Variants in CHP1 observed in about 807,000 individuals in gnomAD.
CHP1 encodes the protein calcineurin like EF-hand protein 1, also known as calcineurin B homologous protein 1.
In CHP1, 11 loss-of-function variants were observed where a neutral mutation model predicts 27.4. The observed-to-expected ratio is 0.40, with a 90% CI of 0.25 to 0.67. The LOEUF is 0.67. Ranked by LOEUF, CHP1 falls within the 30% of genes least tolerant of loss-of-function variation. CHP1 has a pLI of 0.38. For missense variants in CHP1, 169 were observed against 251.3 expected, an observed-to-expected ratio of 0.67 and a Z score of 2.22; for synonymous variants, 89 against 87.4, an observed-to-expected ratio of 1.02 and a Z score of -0.10.
intron 4 of CHP1, among the ~76,000 whole-genome samples, chr15:41,263,753 T>C (rs1032858939): frequency 6.6e-6 from 1 of 152,124 alleles, no homozygotes; most frequent in Non-Finnish European, 1.5e-5. Context: ...CAGGCACCTG[T>C]GCTCCCAGGT....
chr15:41,277,284 G>A (rs1012422484), intron 5 of CHP1, among the ~76,000 whole-genome samples: 5 of 152,258 alleles, frequency 3.3e-5, no homozygotes, highest in Non-Finnish European at 5.9e-5. Context: ...CTACAAACCC[G>A]TGCAGCAAGT....
chr15:41,251,979 C>T (rs191365139), intron 2 of CHP1, among the ~76,000 whole-genome samples: 16 of 151,934 alleles, frequency 1.1e-4, no homozygotes, highest in South Asian at 6.2e-4. Context: ...TGACCTCAGG[C>T]GATCTGCCCA....
At chr15:41,276,396 T>C (rs991093136) in intron 5 of CHP1, among the ~76,000 whole-genome samples, 4 of 152,186 alleles carry the variant, frequency 2.6e-5, no homozygotes, top group Admixed American at 2.0e-4. Context: ...ACTGCAATAA[T>C]AATATAAGGA....
chr15:41,278,619 T>G (rs1389767053), intron 5 of CHP1, 148 bp from the exon 6 acceptor site: 9 of 872,030 alleles, frequency 1.0e-5, no homozygotes, highest in Non-Finnish European at 1.4e-5. Flanking sequence ...ATGCAGTCGG[T>G]CATTAACCAA....
intron 5 of CHP1, among the ~76,000 whole-genome samples, chr15:41,276,356 G>T (rs1463609624): frequency 1.3e-5 from 2 of 152,164 alleles, no homozygotes; most frequent in Non-Finnish European, 2.9e-5. Flanking sequence ...GAAAAGCTCA[G>T]TTCTTGCCAT....
At chr15:41,268,515 CAT>C (rs1443071931) in intron 4 of CHP1, among the ~76,000 whole-genome samples, 1 of 151,518 alleles carries the variant, frequency 6.6e-6, no homozygotes, top group East Asian at 1.9e-4. Flanking sequence ...CGTGGTGGCA[CAT>C]GCCTATAATC....
At chr15:41,234,463 A>G (rs1199103520) in intron 1 of CHP1, among the ~76,000 whole-genome samples, 3 of 152,264 alleles carry the variant, frequency 2.0e-5, no homozygotes, top group Non-Finnish European at 4.4e-5. Context: ...ACAAAATGTA[A>G]CATAATTGAG....
intron 5 of CHP1, among the ~76,000 whole-genome samples, chr15:41,276,467 C>T (rs1294275872): frequency 1.3e-5 from 2 of 152,122 alleles, no homozygotes; most frequent in Non-Finnish European, 2.9e-5. Flanking sequence ...TCCATATTGC[C>T]TGACAGTCAA....
chr15:41,264,196 C>A (rs968752657), intron 4 of CHP1: 1 of 1,286,168 alleles, frequency 7.8e-7, no homozygotes, highest in African/African-American at 1.5e-5. Flanking sequence ...AGAGAGAGAT[C>A]GAGACTGAAA....
chr15:41,255,310 T>C (rs1250876299), intron 2 of CHP1, among the ~76,000 whole-genome samples: 1 of 152,214 alleles, frequency 6.6e-6, no homozygotes, highest in Non-Finnish European at 1.5e-5. Flanking sequence ...GCAGCACAGA[T>C]AAGTTGTAGA....
At chr15:41,274,798 T>G (rs1022276679) in intron 5 of CHP1, among the ~76,000 whole-genome samples, 3 of 149,850 alleles carry the variant, frequency 2.0e-5, no homozygotes, top group African/African-American at 7.3e-5. Context: ...TTGTTTTTTT[T>G]TTTTTTTTTT....
intron 5 of CHP1, chr15:41,272,041 A>G (rs2047492252): frequency 6.6e-6 from 1 of 150,888 alleles, no homozygotes; most frequent in Non-Finnish European, 1.5e-5. Context: ...TTTTCTTAAT[A>G]TGATTCTTGT....
intron 5 of CHP1, among the ~76,000 whole-genome samples, chr15:41,275,780 A>G (rs534158137): frequency 1.1e-3 from 170 of 151,954 alleles, no homozygotes; most frequent in Non-Finnish European, 2.0e-3. Flanking sequence ...CAATGGTGCA[A>G]TTTTGGCTCA....
chr15:41,242,206 C>T (rs910683657), intron 1 of CHP1, among the ~76,000 whole-genome samples: 5 of 152,142 alleles, frequency 3.3e-5, no homozygotes, highest in African/African-American at 1.2e-4. Context: ...AGTTCCCTTC[C>T]TGGGAACTCA....
intron 2 of CHP1, among the ~76,000 whole-genome samples, chr15:41,246,957 G>A (rs1203645052): frequency 3.4e-5 from 5 of 148,576 alleles, no homozygotes; most frequent in East Asian, 2.1e-4. Context: ...AGGCTGAGAC[G>A]GGCGGATCAC....
At chr15:41,275,847 C>T (rs2047516989) in intron 5 of CHP1, among the ~76,000 whole-genome samples, 2 of 152,060 alleles carry the variant, frequency 1.3e-5, no homozygotes, top group African/African-American at 4.8e-5. Context: ...TCCCGAGTAG[C>T]TGGGATTACA....
In CHP1 at chr15:41,243,562, G is replaced by C. The variant is rs1444660188; in HGVS notation, c.68-105G>C. 9.3e-6 allele frequency: 7 copies of C among 753,780 alleles called. No individual in the cohort carries two copies. The South Asian group carries it at 1.2e-4, about 13-fold the overall frequency. The allele number at this position is 753,780 out of a possible 1,614,324, so 46.7% of individuals were successfully genotyped here. ...TTAACATTCTAGAGATAAGAGTTTC[G>C]ACATCCCAGTCCTACTGAATTTTGA... On this transcript the variant is annotated intron_variant, in intron 1 of 6. Coordinates refer to ENST00000334660, the MANE Select transcript of CHP1 (RefSeq NM_007236.5).
chr15:41,264,945 T>C (rs1425365220), intron 4 of CHP1, among the ~76,000 whole-genome samples: 1 of 152,172 alleles, frequency 6.6e-6, no homozygotes, highest in Non-Finnish European at 1.5e-5. Context: ...ATGTGTTGCT[T>C]CTCTTTGAAG....
Position 41,235,047 on chromosome 15 carries a change from T to C in CHP1, c.67+3598T>C, listed in dbSNP as rs1595469163. Among the ~76,000 whole-genome samples the C allele has an allele frequency of 3.9e-5, 6 of 152,342 alleles. No individual in the cohort carries two copies. In the South Asian group the frequency reaches 1.0e-3, roughly 26 times the overall value. ...GGAATTGTCTAAGAAATGCTTTCTATTGGCATATTTGCTAAATTATCTTTG... is the reference window on the plus strand; with the variant it reads ...GGAATTGTCTAAGAAATGCTTTCTACTGGCATATTTGCTAAATTATCTTTG... On this transcript the variant is annotated intron_variant, in intron 1 of 6. Coordinates refer to ENST00000334660, the MANE Select transcript of CHP1 (RefSeq NM_007236.5).
Sources: allele counts gnomAD v4.1 joint callset (sites outside exome capture counted in the v4.1 genomes callset), GRCh38; gene constraint gnomAD v4.1.1; transcripts MANE v1.5; gene names NCBI Gene and HGNC (gene_info 2026-07-23, HGNC 2026-07-21).